The following CYP3A5 variants were observed in gnomAD, a reference collection of about 807,000 sequenced individuals.
CYP3A5 encodes the protein cytochrome P450 family 3 subfamily A member 5, also known as cytochrome P450 3A5.
Under a neutral mutation model 55.9 loss-of-function variants are expected in CYP3A5, and 51 were observed. The ratio of observed to expected loss-of-function variants is 0.91; its 90% CI spans 0.73 to 1.15. The LOEUF is 1.15. Ranked by LOEUF, CYP3A5 falls within the 50% of genes most tolerant of loss-of-function variation. The probability of loss-of-function intolerance (pLI) is 0.00; values close to 1 mark genes in which losing one functional copy is unlikely to be tolerated. For synonymous variants in CYP3A5, 196 were observed against 213.9 expected (o/e 0.92, Z 0.73); for missense variants, 533 against 596.6 (o/e 0.89, Z 1.11).
chr7:99,658,008 G>C (rs1480416913), intron 10 of CYP3A5, among the ~76,000 whole-genome samples: 1 of 152,164 alleles, frequency 6.6e-6, no homozygotes, highest in Non-Finnish European at 1.5e-5. Flanking sequence ...CCTGAATACA[G>C]CACACCGATG....
chr7:99,670,385 C>T (rs1365694452), intron 4 of CYP3A5, among the ~76,000 whole-genome samples: 5 of 152,166 alleles, frequency 3.3e-5, no homozygotes, highest in Admixed American at 2.6e-4. Context: ...TTAAGGCAAA[C>T]AATTTTATGC....
chr7:99,663,945 A>G (rs1188645140), intron 8 of CYP3A5, 23 bp downstream of exon 8: 4 of 1,567,140 alleles, frequency 2.6e-6, no homozygotes, highest in Admixed American at 2.2e-5. Flanking sequence ...AAACATCGTC[A>G]TTTAACCACC....
intron 4 of CYP3A5, among the ~76,000 whole-genome samples, chr7:99,670,353 C>A (rs1427160772): frequency 6.6e-6 from 1 of 152,154 alleles, no homozygotes; most frequent in Non-Finnish European, 1.5e-5. Context: ...CCATATGAAA[C>A]TGAAATTATG....
At chr7:99,674,495 T>C in intron 3 of CYP3A5, 38 bp downstream of exon 3, 3 of 1,551,586 alleles carry the variant, frequency 1.9e-6, no homozygotes, top group Non-Finnish European at 2.7e-6. Flanking sequence ...CTCCTCACAG[T>C]AGCAGGTCTA....
intron 3 of CYP3A5, 119 bp downstream of exon 3, chr7:99,674,412 CTG>C (rs2151451115): frequency 1.5e-6 from 1 of 664,580 alleles, no homozygotes; most frequent in East Asian, 2.8e-5. Flanking sequence ...GAACCTCTCT[CTG>C]TTTGTATTTA....
At chr7:99,673,454 T>C (rs1811886439) in intron 3 of CYP3A5, among the ~76,000 whole-genome samples, 1 of 152,230 alleles carries the variant, frequency 6.6e-6, no homozygotes, top group South Asian at 2.1e-4. Context: ...TTTAATAATA[T>C]TCAGCATCTC....
At chr7:99,672,477 T>C in intron 4 of CYP3A5, 103 bp downstream of exon 4, 3 of 1,000,816 alleles carry the variant, frequency 3.0e-6, no homozygotes, top group Non-Finnish European at 4.7e-6. Context: ...GGAACCTTCC[T>C]GTACATTTTT....
chr7:99,649,287 C>T (rs890932221), intron 12 of CYP3A5, among the ~76,000 whole-genome samples: 2 of 152,184 alleles, frequency 1.3e-5, no homozygotes, highest in African/African-American at 4.8e-5. Flanking sequence ...CTCCATCCTC[C>T]TCCTCTCCCA....
At chr7:99,661,814 A>T (rs935024524) in intron 9 of CYP3A5, among the ~76,000 whole-genome samples, 5 of 152,248 alleles carry the variant, frequency 3.3e-5, no homozygotes, top group Non-Finnish European at 7.3e-5. Flanking sequence ...ATTGAACTGT[A>T]ATTTTAAAGT....
chr7:99,668,476 T>C (rs1811254315), intron 4 of CYP3A5, among the ~76,000 whole-genome samples: 1 of 152,236 alleles, frequency 6.6e-6, no homozygotes, highest in Non-Finnish European at 1.5e-5. Flanking sequence ...CATTTTGAGT[T>C]TTTTTGCAAT....
chr7:99,656,115 T>C (rs1433611301), intron 10 of CYP3A5, among the ~76,000 whole-genome samples: 1 of 152,210 alleles, frequency 6.6e-6, no homozygotes, highest in Non-Finnish European at 1.5e-5. Context: ...TCCAACACTA[T>C]GTTGAATAGG....
chr7:99,664,140 A>C (rs1428367511), intron 7 of CYP3A5, 45 bp from the exon 8 acceptor site: 8 of 1,446,724 alleles, frequency 5.5e-6, no homozygotes, highest in Non-Finnish European at 7.6e-6. Context: ...TTGAAAATGC[A>C]AACTTTACCT....
intron 4 of CYP3A5, chr7:99,671,698 A>G (rs561188203): frequency 1.6e-6 from 1 of 633,362 alleles, no homozygotes; most frequent in Non-Finnish European, 2.8e-6. Context: ...TAACACCAAA[A>G]GAACAATCCA....
Position 99,676,595 on chromosome 7 carries a change from A to AT in CYP3A5, c.72-388dup, listed in dbSNP as rs571100674. On this transcript the variant is annotated intron_variant, in intron 1 of 12. Coordinates refer to ENST00000222982, the MANE Select transcript of CYP3A5 (RefSeq NM_000777.5). ...TCTCATCCTAGGTAGAAAGAGTAAG[A>AT]TTTTTTTTGTCTTTTGCACTGATGA... The AT allele has an allele frequency of 6.7e-5, 90 of 1,339,926 alleles. No individual in the cohort carries two copies. The East Asian group carries it at 2.5e-3, about 37-fold the overall frequency. The allele number at this position is 1,339,926 out of a possible 1,614,324, so 83.0% of individuals were successfully genotyped here.
intron 11 of CYP3A5, among the ~76,000 whole-genome samples, chr7:99,651,498 A>C (rs1180945774): frequency 6.6e-6 from 1 of 152,068 alleles, no homozygotes; most frequent in Non-Finnish European, 1.5e-5. Context: ...GAAACATAGA[A>C]GTCCTCTACT....
intron 9 of CYP3A5, among the ~76,000 whole-genome samples, chr7:99,660,990 T>C (rs934199390): frequency 1.3e-5 from 2 of 152,214 alleles, no homozygotes; most frequent in Non-Finnish European, 2.9e-5. Context: ...TGAATGATCC[T>C]AAAAGTACTT....
chr7:99,651,757 C>T (rs1011509388), intron 11 of CYP3A5, among the ~76,000 whole-genome samples: 4 of 152,206 alleles, frequency 2.6e-5, no homozygotes, highest in African/African-American at 9.7e-5. Flanking sequence ...ATCCAGAGTG[C>T]GAACTGTGCC....
intron 10 of CYP3A5, chr7:99,658,957 A>G (rs1283130846): frequency 2.0e-5 from 3 of 152,212 alleles, no homozygotes; most frequent in East Asian, 1.9e-4. Flanking sequence ...ACTTCTCTGC[A>G]TTGATTATTC....
chr7:99,663,719 T>C (rs1810671388), intron 8 of CYP3A5: 1 of 1,100,970 alleles, frequency 9.1e-7, no homozygotes, highest in Non-Finnish European at 1.1e-6. Context: ...TAAAATTTTA[T>C]CTCAATACTG....
Sources: allele counts gnomAD v4.1 joint callset (sites outside exome capture counted in the v4.1 genomes callset), GRCh38; gene constraint gnomAD v4.1.1; transcripts MANE v1.5; gene names NCBI Gene and HGNC (gene_info 2026-07-23, HGNC 2026-07-21).